The following BTBD2 variants were observed in gnomAD, a reference collection of about 807,000 sequenced individuals.
The protein encoded by BTBD2 is BTB domain containing 2.
Under a neutral mutation model 44.0 loss-of-function variants are expected in BTBD2, and 15 were observed. The observed-to-expected ratio is 0.34, with a 90% CI of 0.23 to 0.53. BTBD2 has a LOEUF of 0.53. Ranked by LOEUF, BTBD2 falls within the 20% of genes least tolerant of loss-of-function variation. BTBD2 has a pLI of 0.95. For missense variants in BTBD2, 657 were observed against 746.4 expected, an observed-to-expected ratio of 0.88 and a Z score of 1.39; for synonymous variants, 443 against 335.9, an observed-to-expected ratio of 1.32 and a Z score of -3.49.
intron 3 of BTBD2, chr19:1,992,113 G>C (rs975942945): frequency 1.4e-5 from 2 of 147,178 alleles, no homozygotes; most frequent in African/African-American, 4.9e-5. Flanking sequence ...TTTTTTTAGA[G>C]ACAGGGTCTC....
Position 1,993,175 on chromosome 19 carries a change from A to G in BTBD2, c.529T>C (p.Phe177Leu). The change falls in exon 3 of 9, where the codon TTT becomes CTT. Residue 177 changes from phenylalanine to leucine, a missense_variant and splice_region_variant. By Grantham distance (22) the Phe-to-Leu change is conservative (BLOSUM62 0). Coordinates refer to ENST00000255608, the MANE Select transcript of BTBD2 (RefSeq NM_017797.4). ...EPAAFLALLK[F>L]LYSDEVQIGP... ...ATCTGCACCTCGTCCGAGTAGAGAAACCTGCAGAAGCAACGCGGGTGGCCG... is the reference window on the plus strand; with the variant it reads ...ATCTGCACCTCGTCCGAGTAGAGAAGCCTGCAGAAGCAACGCGGGTGGCCG... 3 of 1,596,432 alleles carry G rather than the reference A, an allele frequency of 1.9e-6. No homozygotes were observed. Among genetic ancestry groups the G allele is most frequent in the South Asian group, 2.2e-5 (2 of 90,022 alleles).
At chr19:2,005,014 G>A (rs2016377736) in intron 1 of BTBD2, among the ~76,000 whole-genome samples, 2 of 151,576 alleles carry the variant, frequency 1.3e-5, no homozygotes, top group African/African-American at 2.4e-5. Context: ...TAGAGACGGG[G>A]TTTCACCGTG....
chr19:1,986,821 G>T lies in BTBD2; in HGVS notation c.1416+9C>A. ...TCCCACGGAGGGACCCCTGTCCCCGGCGGCGCACCTTGAGCGTGGCACAGG... is the reference window on the plus strand; with the variant it reads ...TCCCACGGAGGGACCCCTGTCCCCGTCGGCGCACCTTGAGCGTGGCACAGG... On this transcript the variant is annotated intron_variant, in intron 8 of 8. Coordinates refer to ENST00000255608, the MANE Select transcript of BTBD2 (RefSeq NM_017797.4). 6.3e-7 allele frequency: 1 copy of T among 1,599,826 alleles called. No homozygotes were observed. Among genetic ancestry groups the T allele is most frequent in the Non-Finnish European group, 8.5e-7 (1 of 1,172,640 alleles).
intron 1 of BTBD2, among the ~76,000 whole-genome samples, chr19:1,999,529 C>T (rs754602368): frequency 7.2e-5 from 11 of 151,986 alleles, no homozygotes; most frequent in Non-Finnish European, 1.2e-4. Context: ...AGCCAGGCAT[C>T]GTGGTGAGCA....
At chr19:1,987,372 C>T (rs1435679402) in intron 6 of BTBD2, 119 bp from the exon 7 acceptor site, 30 of 1,376,992 alleles carry the variant, frequency 2.2e-5, no homozygotes. Context: ...CACCCCCATG[C>T]CCGGCGGCCC....
In BTBD2 at chr19:1,986,499, A is replaced by T; in HGVS notation, c.1567T>A (p.Phe523Ile). Residue 523 changes from phenylalanine (F) to isoleucine (I), a missense_variant, in exon 9 of 9, where the codon TTC (phenylalanine) becomes ATC (isoleucine). Phe to Ile is a conservative substitution (Grantham distance 21, BLOSUM62 0). Coordinates refer to ENST00000255608, the MANE Select transcript of BTBD2 (RefSeq NM_017797.4). ...VEDGQIPEVI[F>I]YT ...CGGTGTCGGGCAGCCTAGGTGTAGA[A>T]GATGACCTCGGGGATCTGGCCGTCC... 1 of 1,613,840 alleles carries T rather than the reference A, an allele frequency of 6.2e-7. No individual in the cohort carries two copies. Among genetic ancestry groups the T allele is most frequent in the Non-Finnish European group, 8.5e-7 (1 of 1,179,868 alleles).
At chr19:2,004,224 A>G (rs142982943) in intron 1 of BTBD2, among the ~76,000 whole-genome samples, 4 of 152,132 alleles carry the variant, frequency 2.6e-5, no homozygotes, top group African/African-American at 9.6e-5. Context: ...CACCCTGGGA[A>G]CATACCGTCA....
At chr19:1,992,247 C>G (rs554756021) in intron 3 of BTBD2, among the ~76,000 whole-genome samples, 1 of 151,964 alleles carries the variant, frequency 6.6e-6, no homozygotes, top group African/African-American at 2.4e-5. Flanking sequence ...CATGCACCAG[C>G]GTGCTTGGCT....
chr19:1,990,863 G>C, intron 3 of BTBD2, 41 bp from the exon 4 acceptor site: 8 of 1,504,378 alleles, frequency 5.3e-6, no homozygotes, highest in Non-Finnish European at 7.2e-6. Context: ...GGGGACATCA[G>C]CACCCAGCCC....
intron 1 of BTBD2, among the ~76,000 whole-genome samples, chr19:2,009,488 A>G (rs935993201): frequency 2.7e-5 from 4 of 147,396 alleles, no homozygotes; most frequent in African/African-American, 9.9e-5. Flanking sequence ...GTGAGCCACC[A>G]CACCCACCCA....
intron 1 of BTBD2, among the ~76,000 whole-genome samples, chr19:1,998,303 T>C (rs1171966402): frequency 6.6e-6 from 1 of 152,024 alleles, no homozygotes; most frequent in Non-Finnish European, 1.5e-5. Flanking sequence ...CAGCCCCCAC[T>C]GAGTGAGAGA....
intron 3 of BTBD2, chr19:1,991,826 G>A: frequency 6.6e-6 from 1 of 152,376 alleles, no homozygotes; most frequent in Non-Finnish European, 1.5e-5. Flanking sequence ...CCTTTGGGCT[G>A]CACAGAGCCC....
rs1285886590 is a variant in BTBD2, at chr19:1,990,796, C to T, written c.711G>A (p.Leu237=). 2 of 1,587,412 alleles carry T rather than the reference C, an allele frequency of 1.3e-6. No individual in the cohort carries two copies. The highest frequency in any genetic ancestry group is 1.8e-5 in the Admixed American group (1 of 56,462). The change falls in exon 4 of 9, where the codon CTG becomes CTA. Residue 237 remains leucine (L), a synonymous_variant. Transcript: ENST00000255608. ...TQARLFDEPQ[L]ASLCLENIDK... ...CGATGTTCTCCAGGCACAGGCTGGC[C>T]AGCTGCGGTTCATCGAAGAGTCGCG...
Position 2,001,807 on chromosome 19 carries a change from G to A in BTBD2, c.408-4344C>T, listed in dbSNP as rs141213017. 8.9e-3 allele frequency among the ~76,000 whole-genome samples: 1,353 copies of A among 151,880 alleles called. 14 individuals are homozygous for A. The highest frequency in any genetic ancestry group is 0.03 in the African/African-American group (1,262 of 41,436). ...GGCTGGAGTGCAGTGGCGCAATCTT[G>A]GCTCACTGCAACCTCCGCCTCCCGA... On this transcript the variant is annotated intron_variant, in intron 1 of 8. Transcript: ENST00000255608.
intron 5 of BTBD2, 59 bp downstream of exon 5, chr19:1,989,945 G>T: frequency 3.8e-6 from 6 of 1,584,754 alleles, no homozygotes; most frequent in Non-Finnish European, 3.5e-6. Flanking sequence ...TCGGTACCCA[G>T]ATGCCCACCT....
intron 1 of BTBD2, chr19:2,013,534 C>T: frequency 3.0e-6 from 3 of 986,430 alleles, no homozygotes; most frequent in Non-Finnish European, 3.6e-6. Flanking sequence ...TAGCAGGGCC[C>T]AGGGGAGACA....
At chr19:1,997,833 TTCATTCATGCATGCATTCACTCGC>T (rs2016271691) in intron 1 of BTBD2, among the ~76,000 whole-genome samples, 1 of 152,208 alleles carries the variant, frequency 6.6e-6, no homozygotes, top group Non-Finnish European at 1.5e-5. Context: ...CACACATACG[TTCATTCATGCATGCATTCACTCGC>T]TCATTCACAT....
intron 1 of BTBD2, 103 bp from the exon 2 acceptor site, chr19:1,997,566 G>A: frequency 6.6e-7 from 1 of 1,521,374 alleles, no homozygotes; most frequent in Non-Finnish European, 8.9e-7. Context: ...AGGGCTCCCT[G>A]CCAGCCTCCA....
In BTBD2 at chr19:1,987,688, G is replaced by A. The variant is rs75450732; in HGVS notation, c.993C>T (p.Pro331=). ...GGTCCACCAGGATGCCCGACTGTGC[G>A]GGACCTGCAGCACAGGGAGGGTGTG... ...LMTIEEFAAG[P]AQSGILVDRE... Residue 331 remains proline, a synonymous_variant, in exon 6 of 9, where the codon CCC becomes CCT. Transcript: ENST00000255608. The A allele has an allele frequency of 2.8e-3, 4,421 of 1,594,244 alleles. 109 individuals carry two copies. The African/African-American group carries it at 0.053, about 19-fold the overall frequency.
Sources: allele counts gnomAD v4.1 joint callset (sites outside exome capture counted in the v4.1 genomes callset), GRCh38; gene constraint gnomAD v4.1.1; transcripts MANE v1.5; gene names NCBI Gene and HGNC (gene_info 2026-07-23, HGNC 2026-07-21).